PCDH1: variants seen among roughly 807,000 people sequenced by gnomAD.
The protein encoded by PCDH1 is protocadherin 1, also known as protocadherin-1.
In PCDH1, 23 loss-of-function variants were observed where a neutral mutation model predicts 74.6. The observed-to-expected ratio is 0.31, with a 90% confidence interval of 0.22 to 0.44. PCDH1 has a LOEUF of 0.44. Ranked by LOEUF, PCDH1 falls within the 20% of genes least tolerant of loss-of-function variation. The pLI is 1.00. For synonymous variants in PCDH1, 647 were observed against 686.1 expected (o/e 0.94, Z 0.89); for missense variants, 1,214 against 1,641.4 (o/e 0.74, Z 4.50).
In PCDH1 at chr5:141,869,138, C is replaced by G; in HGVS notation, c.334G>C (p.Glu112Gln). The G allele has an allele frequency of 6.2e-7, 1 of 1,614,016 alleles. No homozygotes were observed. The highest frequency in any genetic ancestry group is 8.5e-7 in the Non-Finnish European group (1 of 1,179,984). Residue 112 changes from glutamate (E) to glutamine (Q), a missense_variant, in exon 2 of 5, where the codon GAG becomes CAG. Physicochemically the swap from Glu to Gln is conservative, Grantham distance 29 (BLOSUM62 2). This residue lies in a region of PCDH1 where 97 missense variants were observed against 173.2 expected (regional missense o/e 0.56). Transcript: ENST00000287008. This position sits in a 1 kb window ranked among gnomAD's most constrained non-coding sequence, Gnocchi z 4.9. Reference sequence around the variant, plus strand: ...AGCCCCTCACGGTCGATGGAGGTCTCGGTGGTGAAAATGTCACCTGTCTTG... The same window carrying G: ...AGCCCCTCACGGTCGATGGAGGTCTGGGTGGTGAAAATGTCACCTGTCTTG... Reference protein sequence around the residue: ...DGKTGDIFTTETSIDREGLRE... With the variant: ...DGKTGDIFTTQTSIDREGLRE...
At chr5:141,876,386 G>C (rs1299095674) in intron 1 of PCDH1, among the ~76,000 whole-genome samples, 2 of 152,196 alleles carry the variant, frequency 1.3e-5, no homozygotes, top group African/African-American at 4.8e-5. Context: ...GCGGCGCAGC[G>C]GGCGCCAGGA....
At chr5:141,858,692 A>G (rs1190348716) in intron 3 of PCDH1, among the ~76,000 whole-genome samples, 1 of 152,202 alleles carries the variant, frequency 6.6e-6, no homozygotes, top group Admixed American at 6.5e-5. Flanking sequence ...ACCAGAAATT[A>G]GGAGTTGTGG....
chr5:141,875,894 A>C (rs1596564166), intron 1 of PCDH1, among the ~76,000 whole-genome samples: 1 of 148,470 alleles, frequency 6.7e-6, no homozygotes, highest in African/African-American at 2.5e-5. Flanking sequence ...CGCGCCCCCC[A>C]CCCCCTACAA....
rs551865725 is a variant in PCDH1 at position 141,867,720 on chromosome 5, G to A, written c.903+849C>T. On this transcript the variant is annotated intron_variant, in intron 2 of 4. Transcript: ENST00000287008. ...TGGGTAATGGTGTCCAGGGCAGGCC[G>A]AGCCTCCTCAGCTCCCTCACATCAA... 1.3e-4 allele frequency: 50 copies of A among 395,004 alleles called. No individual in the cohort carries two copies. In the East Asian group the frequency reaches 1.4e-3, roughly 11 times the overall value. 24.5% of individuals were successfully genotyped at this position (395,004 alleles called of 1,614,324 possible). A position where few individuals can be genotyped will look rare whatever the true frequency, so the allele number is the denominator to read the frequency against.
At chr5:141,870,116 C>A (rs987731625) in intron 1 of PCDH1, among the ~76,000 whole-genome samples, 2 of 152,178 alleles carry the variant, frequency 1.3e-5, no homozygotes, top group Non-Finnish European at 2.9e-5. Context: ...CCCACGGTGC[C>A]CAGTATTCTC....
chr5:141,857,222 G>C (rs1375836492), intron 4 of PCDH1, 30 bp downstream of exon 4: 1 of 1,509,962 alleles, frequency 6.6e-7, no homozygotes. Context: ...CTCATTCCTG[G>C]GGTGCCCTGA....
rs543047841 is a variant in PCDH1 at position 141,853,729 on chromosome 5, C to T, written c.*313G>A. 2 of 288,698 alleles carry T rather than the reference C, an allele frequency of 6.9e-6. No homozygotes were observed. Among genetic ancestry groups the T allele is most frequent in the East Asian group, 1.1e-4 (2 of 17,474 alleles). The allele number at this position is 288,698 out of a possible 1,614,324, so 17.9% of individuals were successfully genotyped here. ...GCCCACCCTTGACTCCACCATCTGCCCAAATCGAGGGGGTGCTCCCTGGAA... is the reference window on the plus strand; with the variant it reads ...GCCCACCCTTGACTCCACCATCTGCTCAAATCGAGGGGGTGCTCCCTGGAA... On this transcript the variant is annotated 3_prime_UTR_variant, in exon 5 of 5. Transcript: ENST00000287008.
At chr5:141,871,996 C>T (rs1481589607) in intron 1 of PCDH1, among the ~76,000 whole-genome samples, 1 of 152,162 alleles carries the variant, frequency 6.6e-6, no homozygotes, top group Non-Finnish European at 1.5e-5. Flanking sequence ...CAAACACATC[C>T]CCTCCTCTGT....
At position 141,878,294 on chromosome 5, in the gene PCDH1, C is replaced by T. The variant is rs1425591067; in HGVS notation, c.-32G>A. On this transcript the variant is annotated 5_prime_UTR_variant, in exon 1 of 5. Transcript: ENST00000287008. The surrounding 1 kb of genome is among the most constrained non-coding windows in gnomAD (Gnocchi z 5.5). ...CCGCCGGCCCCGGCCTGGGCTGCGG[C>T]TCCGCACGGCTGGGGCTGGAGCTGC... 3 of 1,237,562 alleles carry T rather than the reference C, an allele frequency of 2.4e-6. No homozygotes were observed. The highest frequency in any genetic ancestry group is 3.0e-6 in the Non-Finnish European group (3 of 992,666). The allele number at this position is 1,237,562 out of a possible 1,614,324, so 76.7% of individuals were successfully genotyped here.
rs14359 is a variant in PCDH1, at chr5:141,863,068, C to G, written c.3099+164G>C. 0.21 allele frequency: 286,305 copies of G among 1,364,656 alleles called. 31,231 individuals carry two copies. Among genetic ancestry groups the G allele is most frequent in the Non-Finnish European group, 0.22 (237,284 of 1,054,756 alleles). The allele number at this position is 1,364,656 out of a possible 1,614,324, so 84.5% of individuals were successfully genotyped here. A position where few individuals can be genotyped will look rare whatever the true frequency, so the allele number is the denominator to read the frequency against. On this transcript the variant is annotated intron_variant, in intron 3 of 4. Coordinates refer to ENST00000287008, the MANE Select transcript of PCDH1 (RefSeq NM_032420.5). This position sits in a 1 kb window ranked among gnomAD's most constrained non-coding sequence, Gnocchi z 7.5. ...CTTCACTCAGCCTAATCCGTGTGCCCGGTGAGGCACTAAGGCCCCACCTCC... is the reference window on the plus strand; with the variant it reads ...CTTCACTCAGCCTAATCCGTGTGCCGGGTGAGGCACTAAGGCCCCACCTCC...
intron 1 of PCDH1, among the ~76,000 whole-genome samples, chr5:141,871,256 A>T (rs1260673274): frequency 6.6e-6 from 1 of 152,238 alleles, no homozygotes. Context: ...TGCATTCAAC[A>T]AATGTTTATT....
At chr5:141,867,669 G>T in intron 2 of PCDH1, 1 of 438,162 alleles carries the variant, frequency 2.3e-6, no homozygotes, top group Non-Finnish European at 4.5e-6. Flanking sequence ...TTGGCTTGAG[G>T]ACCCAGGACT....
intron 3 of PCDH1, chr5:141,862,968 G>A (rs1752625717): frequency 8.0e-7 from 1 of 1,250,274 alleles, no homozygotes; most frequent in African/African-American, 1.5e-5. Flanking sequence ...AGGGTCCAGG[G>A]ACTTGGCAAA....
intron 3 of PCDH1, among the ~76,000 whole-genome samples, chr5:141,860,900 G>T (rs1752538644): frequency 6.6e-6 from 1 of 152,112 alleles, no homozygotes; most frequent in Non-Finnish European, 1.5e-5. Context: ...CAGATCGCCT[G>T]AGGTCAGGAG....
At position 141,868,483 on chromosome 5, in the gene PCDH1, A is replaced by T; in HGVS notation, c.903+86T>A. The T allele has an allele frequency of 6.7e-7, 1 of 1,502,516 alleles. No homozygotes were observed. The highest frequency in any genetic ancestry group is 8.9e-7 in the Non-Finnish European group (1 of 1,128,268). The allele number at this position is 1,502,516 out of a possible 1,614,324, so 93.1% of individuals were successfully genotyped here. On this transcript the variant is annotated intron_variant, in intron 2 of 4. Transcript: ENST00000287008. The surrounding 1 kb of genome is among the most constrained non-coding windows in gnomAD (Gnocchi z 4.8). Reference sequence around the variant, plus strand: ...ACAGTATTCTGGCAGTTTTTCCCCTAAGTGAAGGGAACTCTCACCTGGTTG... The same window carrying T: ...ACAGTATTCTGGCAGTTTTTCCCCTTAGTGAAGGGAACTCTCACCTGGTTG...
chr5:141,878,175 G>A lies in PCDH1; in HGVS notation c.40+48C>T. 3 of 1,422,984 alleles carry A rather than the reference G, an allele frequency of 2.1e-6. No individual in the cohort carries two copies. The highest frequency in any genetic ancestry group is 1.8e-6 in the Non-Finnish European group (2 of 1,088,268). The allele number at this position is 1,422,984 out of a possible 1,614,324, so 88.1% of individuals were successfully genotyped here. A position where few individuals can be genotyped will look rare whatever the true frequency, so the allele number is the denominator to read the frequency against. On this transcript the variant is annotated intron_variant, in intron 1 of 4. Coordinates refer to ENST00000287008, the MANE Select transcript of PCDH1 (RefSeq NM_032420.5). The surrounding 1 kb of genome is among the most constrained non-coding windows in gnomAD (Gnocchi z 5.5). ...CCCTCAGCTCCCGCCGGCCATGACC[G>A]CTTCGGGCCCCAAGCCGCTGCTGCC...
At chr5:141,854,917 C>G (rs866864559) in intron 4 of PCDH1, among the ~76,000 whole-genome samples, 28 of 151,166 alleles carry the variant, frequency 1.9e-4, no homozygotes, top group African/African-American at 6.6e-4. Flanking sequence ...GGTGATCCAC[C>G]CACCTTGACC....
rs1752714146 is a variant in PCDH1, at chr5:141,864,299, G to T, written c.2032C>A (p.Gln678Lys). 1 of 1,613,922 alleles carries T rather than the reference G, an allele frequency of 6.2e-7. No individual in the cohort carries two copies. The highest frequency in any genetic ancestry group is 8.5e-7 in the Non-Finnish European group (1 of 1,179,928). The stretch of plus-strand genomic sequence containing the variant: ...TTCAGCTGGAAGGTGTAGGTGCTTT[G>T]TTGCTCTCGATCAAAGCTCAGGCTG... ...LSSLSFDREQ[Q>K]STYTFQLKAV... Residue 678 changes from glutamine (Q) to lysine (K), a missense_variant, in exon 3 of 5, where the codon CAA becomes AAA. Around this residue, in one of 4 missense-constraint regions of PCDH1, gnomAD observed 836 missense variants for 1,182.2 expected, o/e 0.71. Transcript: ENST00000287008. The surrounding 1 kb of genome is among the most constrained non-coding windows in gnomAD (Gnocchi z 5.9).
rs143214880 is a variant in PCDH1 at position 141,854,397 on chromosome 5, C to T, written c.3359G>A (p.Cys1120Tyr). 4 of 1,612,778 alleles carry T rather than the reference C, an allele frequency of 2.5e-6. No individual in the cohort carries two copies. The highest frequency in any genetic ancestry group is 3.4e-6 in the Non-Finnish European group (4 of 1,179,680). ...GCCAAACTCACTGCACTCCCGGGTA[C>T]ATGTGCCTGTCATGGCGACATCAGG... Reference protein sequence around the residue: ...PLPDVAMTGTCTRECSEFGHS... With the variant: ...PLPDVAMTGTYTRECSEFGHS... The change falls in exon 5 of 5, where the codon TGT (cysteine) becomes TAT (tyrosine). Residue 1120 changes from cysteine (C) to tyrosine (Y), a missense_variant. Coordinates refer to ENST00000287008, the MANE Select transcript of PCDH1 (RefSeq NM_032420.5).
Sources: allele counts gnomAD v4.1 joint callset (sites outside exome capture counted in the v4.1 genomes callset), GRCh38; gene constraint gnomAD v4.1.1; regional missense constraint gnomAD v4.1.1; non-coding constraint Gnocchi (gnomAD v3.1); transcripts MANE v1.5; gene names NCBI Gene and HGNC (gene_info 2026-07-23, HGNC 2026-07-21).